ERC2: variants seen among roughly 807,000 people sequenced by gnomAD.
The protein encoded by ERC2 is ELKS/RAB6-interacting/CAST family member 2, also known as ERC protein 2.
A neutral mutation model predicts 114.8 loss-of-function variants in ERC2; 42 were observed. The ratio of observed to expected loss-of-function variants is 0.37; its 90% confidence interval spans 0.29 to 0.47. The LOEUF (loss-of-function observed/expected upper bound fraction) is 0.47, where lower values mean the gene tolerates loss of function less well. ERC2 is among the 20% of genes least tolerant of loss of function. The pLI is 0.99. For missense variants in ERC2, 939 were observed against 1,150.7 expected (o/e 0.82, Z 2.66); for synonymous variants, 454 against 425.5 (o/e 1.07, Z -0.82).
intron 7 of ERC2, among the ~76,000 whole-genome samples, chr3:56,076,613 C>T (rs2076989383): frequency 6.6e-6 from 1 of 152,144 alleles, no homozygotes; most frequent in Non-Finnish European, 1.5e-5. Flanking sequence ...ATTTTTGTCC[C>T]CTGCTAAGAG....
intron 2 of ERC2, among the ~76,000 whole-genome samples, chr3:56,397,159 G>A (rs1355316034): frequency 6.6e-6 from 1 of 152,032 alleles, no homozygotes; most frequent in East Asian, 1.9e-4. Context: ...AATGGTTTTT[G>A]TTTTAAAATT....
intron 3 of ERC2, among the ~76,000 whole-genome samples, chr3:56,229,600 C>T (rs1273374794): frequency 2.0e-5 from 3 of 152,128 alleles, no homozygotes; most frequent in Non-Finnish European, 4.4e-5. Flanking sequence ...CAGTAACAAG[C>T]TAAAGCAATC....
chr3:56,403,553 C>T (rs1461705852), intron 2 of ERC2, among the ~76,000 whole-genome samples: 6 of 152,228 alleles, frequency 3.9e-5, no homozygotes, highest in East Asian at 1.9e-4. Context: ...GTCCACGGAC[C>T]GGCAGTATCG....
intron 14 of ERC2, among the ~76,000 whole-genome samples, chr3:55,870,712 G>T (rs1469214286): frequency 6.6e-6 from 1 of 152,142 alleles, no homozygotes; most frequent in Non-Finnish European, 1.5e-5. Flanking sequence ...AGGGGGCTAA[G>T]GAGCCCAAGG....
At chr3:56,402,090 C>T (rs773436757) in intron 2 of ERC2, among the ~76,000 whole-genome samples, 3 of 152,246 alleles carry the variant, frequency 2.0e-5, no homozygotes, top group South Asian at 2.1e-4. Context: ...AGGGGAACCA[C>T]CCCCATGATT....
intron 2 of ERC2, among the ~76,000 whole-genome samples, chr3:56,328,569 G>C (rs550923931): frequency 2.2e-4 from 33 of 152,282 alleles, no homozygotes; most frequent in African/African-American, 7.9e-4. Flanking sequence ...AAGTGAAAAA[G>C]AAATAGAAGA....
At chr3:56,394,756 C>T (rs2060245335) in intron 2 of ERC2, among the ~76,000 whole-genome samples, 2 of 152,166 alleles carry the variant, frequency 1.3e-5, no homozygotes, top group Admixed American at 6.5e-5. Flanking sequence ...AACCCTTTTA[C>T]ACTGCTGGTG....
chr3:55,600,842 G>T lies in ERC2; in HGVS notation c.*39+82952C>A, dbSNP rs1559722500. Among the ~76,000 whole-genome samples, 5 of 152,224 alleles carry T rather than the reference G, an allele frequency of 3.3e-5. No homozygotes were observed. In the South Asian group the frequency reaches 1.0e-3, roughly 32 times the overall value. ...AGTCAGAATCCCTAATGCAGTGCCT[G>T]GGCAAGTACCCACGTGGTTCTTATT... On this transcript the variant is annotated intron_variant, in intron 17 of 17. Coordinates refer to ENST00000288221, the MANE Select transcript of ERC2 (RefSeq NM_015576.3).
chr3:55,636,526 A>G (rs1202193133), intron 17 of ERC2, among the ~76,000 whole-genome samples: 1 of 152,232 alleles, frequency 6.6e-6, no homozygotes, highest in East Asian at 1.9e-4. Context: ...ATCAATAATT[A>G]CATGTGTTCA....
At chr3:56,032,957 AAC>A (rs56653456) in intron 7 of ERC2, among the ~76,000 whole-genome samples, 8,181 of 46,568 alleles carry the variant, frequency 0.18, 1,064 homozygotes, top group South Asian at 0.23. Context: ...GAAAGAAAGA[AAC>A]AGAAAGAAAG....
At chr3:55,580,988 A>C (rs1052714167) in intron 17 of ERC2, among the ~76,000 whole-genome samples, 1 of 152,178 alleles carries the variant, frequency 6.6e-6, no homozygotes, top group Non-Finnish European at 1.5e-5. Flanking sequence ...GAGTGAGCCA[A>C]GTAGTTATCT....
chr3:55,852,405 GA>G (rs1182848079), intron 14 of ERC2: 3 of 154,682 alleles, frequency 1.9e-5, no homozygotes, highest in African/African-American at 7.2e-5. Flanking sequence ...GGGATAATCA[GA>G]ACTACCAAAT....
chr3:56,311,290 T>TATATAC (rs2056560027), intron 2 of ERC2, among the ~76,000 whole-genome samples: 1 of 61,596 alleles, frequency 1.6e-5, no homozygotes, highest in African/African-American at 5.2e-5. Flanking sequence ...TATATATATA[T>TATATAC]ACACACATAT....
At chr3:56,439,705 T>C (rs551105866) in intron 1 of ERC2, among the ~76,000 whole-genome samples, 2 of 152,208 alleles carry the variant, frequency 1.3e-5, no homozygotes, top group Non-Finnish European at 2.9e-5. Context: ...TTCCATTTCA[T>C]TGATATCTCT....
chr3:56,206,204 C>CAT (rs1436587507), intron 3 of ERC2, among the ~76,000 whole-genome samples: 9 of 40,030 alleles, frequency 2.2e-4, no homozygotes, highest in African/African-American at 6.4e-4. Context: ...CACACACATA[C>CAT]ACACACACAC....
At chr3:55,866,879 T>C (rs2149273656) in intron 14 of ERC2, among the ~76,000 whole-genome samples, 1 of 152,262 alleles carries the variant, frequency 6.6e-6, no homozygotes, top group Non-Finnish European at 1.5e-5. Flanking sequence ...CTGTTAATGT[T>C]GGTAAAATTC....
At chr3:55,810,728 G>A (rs2059689635) in intron 14 of ERC2, among the ~76,000 whole-genome samples, 1 of 152,196 alleles carries the variant, frequency 6.6e-6, no homozygotes, top group South Asian at 2.1e-4. Flanking sequence ...CCTAAGTGGT[G>A]AGATTACAGG....
intron 3 of ERC2, among the ~76,000 whole-genome samples, chr3:56,234,654 T>C (rs2050828907): frequency 2.0e-5 from 3 of 152,202 alleles, no homozygotes; most frequent in East Asian, 3.8e-4. Context: ...TTTATCCTGG[T>C]TCTGGAGACT....
chr3:55,820,341 C>A (rs1422486028), intron 14 of ERC2, among the ~76,000 whole-genome samples: 4 of 152,058 alleles, frequency 2.6e-5, no homozygotes. Flanking sequence ...CGGGAGTGGA[C>A]CAGAACTACA....
Sources: allele counts gnomAD v4.1 joint callset (sites outside exome capture counted in the v4.1 genomes callset), GRCh38; gene constraint gnomAD v4.1.1; transcripts MANE v1.5; gene names NCBI Gene and HGNC (gene_info 2026-07-23, HGNC 2026-07-21).